The following LSM14B variants were observed in gnomAD, a reference collection of about 807,000 sequenced individuals.
LSM14B encodes protein LSM14 homolog B.
LSM14B carries 8 observed loss-of-function variants against 42.1 expected under a neutral mutation model. The ratio of observed to expected loss-of-function variants is 0.19; its 90% CI spans 0.11 to 0.34. The LOEUF (loss-of-function observed/expected upper bound fraction) is 0.34, where lower values mean the gene tolerates loss of function less well. Among genes scored for constraint, LSM14B ranks in the 10% least tolerant of loss-of-function variants. The pLI, the probability that LSM14B is intolerant of heterozygous loss-of-function variation, is 1.00. For synonymous variants in LSM14B, 219 were observed against 209.7 expected, an observed-to-expected ratio of 1.04 and a Z score of -0.38; for missense variants, 396 against 513.1, an observed-to-expected ratio of 0.77 and a Z score of 2.21.
intron 2 of LSM14B, among the ~76,000 whole-genome samples, chr20:62,125,887 G>A (rs1010861276): frequency 3.3e-5 from 5 of 152,028 alleles, no homozygotes; most frequent in Admixed American, 6.6e-5. Context: ...TAGCAAAACC[G>A]CGTCTCTACC....
intron 3 of LSM14B, chr20:62,127,510 G>A (rs943854297): frequency 3.8e-5 from 40 of 1,061,862 alleles, no homozygotes; most frequent in Admixed American, 8.1e-5. Flanking sequence ...TTCCAAGCTT[G>A]CTAGACACAA....
In LSM14B at chr20:62,122,800, G is replaced by C. The variant is rs200295431; in HGVS notation, c.127+7G>C. The stretch of plus-strand genomic sequence containing the variant: ...ACCGTGGCGCTCGCCAAAGGTAGCG[G>C]CCGCCGCCCGCCCGAGCCCGCTGAC... On this transcript the variant is annotated splice_region_variant and intron_variant, in intron 1 of 8. Transcript: ENST00000279068. The surrounding 1 kb of genome is among the most constrained non-coding windows in gnomAD (Gnocchi z 4.6). The C allele has an allele frequency of 1.3e-6, 2 of 1,490,732 alleles. No homozygotes were observed. Among genetic ancestry groups the C allele is most frequent in the African/African-American group, 2.9e-5 (2 of 68,248 alleles). 92.3% of individuals were successfully genotyped at this position (1,490,732 alleles called of 1,614,324 possible).
chr20:62,132,589 A>C (rs1397476330), intron 7 of LSM14B, among the ~76,000 whole-genome samples: 1 of 152,132 alleles, frequency 6.6e-6, no homozygotes, highest in East Asian at 1.9e-4. Flanking sequence ...CAACATGACA[A>C]GAGAAGAGTC....
At chr20:62,128,791 C>T in intron 3 of LSM14B, 1 of 463,802 alleles carries the variant, frequency 2.2e-6, no homozygotes, top group Non-Finnish European at 3.7e-6. Flanking sequence ...GAGAGCTTCT[C>T]TTGATCTGGT....
chr20:62,133,921 C>A (rs1329745193), intron 8 of LSM14B, among the ~76,000 whole-genome samples: 1 of 152,246 alleles, frequency 6.6e-6, no homozygotes, highest in Non-Finnish European at 1.5e-5. Flanking sequence ...CTGGTGCCAA[C>A]CCCACCCAGC....
Position 62,124,775 on chromosome 20 carries a change from G to T in LSM14B, c.286G>T (p.Val96Phe), listed in dbSNP as rs1210690004. ...CACACTCCCGCAGGATCCCGCCATT[G>T]TTCAGGTAAGTGTGCCACTGTCCCT... is the stretch of plus-strand genomic sequence containing the variant. ...QHTLPQDPAI[V>F]QSSLGSASAS... The change falls in exon 2 of 9, where the codon GTT becomes TTT. Residue 96 changes from valine (V) to phenylalanine (F), a missense_variant. By Grantham distance (50) the Val-to-Phe change is conservative. Around this residue, in one of 3 missense-constraint regions of LSM14B, gnomAD observed 274 missense variants for 335.8 expected, o/e 0.82. Transcript: ENST00000279068. 10 of 1,612,078 alleles carry T rather than the reference G, an allele frequency of 6.2e-6. No homozygotes were observed. Among genetic ancestry groups the T allele is most frequent in the Non-Finnish European group, 8.5e-6 (10 of 1,178,952 alleles).
intron 8 of LSM14B, 95 bp downstream of exon 8, chr20:62,133,570 C>T: frequency 1.4e-6 from 2 of 1,413,916 alleles, no homozygotes; most frequent in Non-Finnish European, 1.9e-6. Flanking sequence ...CTCGGTTTCC[C>T]AGGAAGAAGA....
intron 8 of LSM14B, 63 bp downstream of exon 8, chr20:62,133,538 G>GC: frequency 7.8e-6 from 12 of 1,532,342 alleles, no homozygotes; most frequent in Non-Finnish European, 1.1e-5. Context: ...CACCTGGAGA[G>GC]CTTAGGAAGG....
rs1057274201 is a variant in LSM14B at position 62,134,539 on chromosome 20, G to C, written c.*391G>C. On this transcript the variant is annotated 3_prime_UTR_variant, in exon 9 of 9. Transcript: ENST00000279068. Reference sequence around the variant, plus strand: ...AGTGGAACCAAATCTGTTGGCAGAGGTGGCAGCCAAGTACATCTCTGTAAC... The same window carrying C: ...AGTGGAACCAAATCTGTTGGCAGAGCTGGCAGCCAAGTACATCTCTGTAAC... 3.1e-6 allele frequency: 1 copy of C among 317,836 alleles called. No homozygotes were observed. The highest frequency in any genetic ancestry group is 2.4e-5 in the South Asian group (1 of 40,968). The allele number at this position is 317,836 out of a possible 1,614,324, so 19.7% of individuals were successfully genotyped here. A position where few individuals can be genotyped will look rare whatever the true frequency, so the allele number is the denominator to read the frequency against.
intron 2 of LSM14B, among the ~76,000 whole-genome samples, chr20:62,125,895 A>C (rs2145602497): frequency 6.6e-6 from 1 of 152,276 alleles, no homozygotes; most frequent in Admixed American, 6.5e-5. Context: ...CCGCGTCTCT[A>C]CCAAAAATAC....
At chr20:62,129,084 G>A in intron 3 of LSM14B, 3 of 1,127,052 alleles carry the variant, frequency 2.7e-6, no homozygotes. Flanking sequence ...GGTTTCTGAG[G>A]GTTCATCCCC....
At chr20:62,126,209 C>A in intron 2 of LSM14B, 95 bp from the exon 3 acceptor site, 1 of 1,572,552 alleles carries the variant, frequency 6.4e-7, no homozygotes, top group South Asian at 1.1e-5. Flanking sequence ...GCTGATGGGA[C>A]GGTGCTTGTT....
At position 62,126,299 on chromosome 20, in the gene LSM14B, TTCAG is replaced by T; in HGVS notation, c.292-2_293del. ...GCCGTTCTCACCCGATGTCTCGTTG[TTCAG>T]TCTTCCCTGGGTTCTGCCTCCGCCT... On this transcript the variant is annotated splice_acceptor_variant and splice_polypyrimidine_tract_variant and intron_variant, in intron 2 of 8. Coordinates refer to ENST00000279068, the MANE Select transcript of LSM14B (RefSeq NM_144703.3). LOFTEE classifies it high-confidence loss of function. 1 of 1,613,984 alleles carries T rather than the reference TTCAG, an allele frequency of 6.2e-7. No individual in the cohort carries two copies. The highest frequency in any genetic ancestry group is 8.5e-7 in the Non-Finnish European group (1 of 1,179,904).
At chr20:62,126,509 T>A (rs926573039) in intron 3 of LSM14B, 70 bp downstream of exon 3, 1 of 1,562,744 alleles carries the variant, frequency 6.4e-7, no homozygotes, top group African/African-American at 1.3e-5. Flanking sequence ...CGATGGAGCC[T>A]GAGGGTGGGG....
Position 62,124,604 on chromosome 20 carries a change from C to T in LSM14B, c.128-13C>T. The T allele has an allele frequency of 6.2e-7, 1 of 1,611,878 alleles. No individual in the cohort carries two copies. The highest frequency in any genetic ancestry group is 8.5e-7 in the Non-Finnish European group (1 of 1,178,644). ...GAGGACAACAATAACGCTTCTCTTT[C>T]TCCACTCATAAGTGAGGTCCTTTGG... is the stretch of plus-strand genomic sequence containing the variant. On this transcript the variant is annotated splice_polypyrimidine_tract_variant and intron_variant, in intron 1 of 8. Coordinates refer to ENST00000279068, the MANE Select transcript of LSM14B (RefSeq NM_144703.3).
intron 6 of LSM14B, 149 bp from the exon 7 acceptor site, chr20:62,131,207 G>A: frequency 4.3e-6 from 4 of 937,510 alleles, no homozygotes; most frequent in Non-Finnish European, 6.2e-6. Flanking sequence ...GTACTTAGAA[G>A]GTAGAAGAAG....
chr20:62,122,613 G>GCCGCGGC lies in LSM14B; in HGVS notation c.-50_-44dup. 9.0e-7 allele frequency: 1 copy of GCCGCGGC among 1,107,466 alleles called. No homozygotes were observed. The highest frequency in any genetic ancestry group is 1.1e-6 in the Non-Finnish European group (1 of 898,190). The allele number at this position is 1,107,466 out of a possible 1,614,324, so 68.6% of individuals were successfully genotyped here. Reference sequence around the variant, plus strand: ...AGGCCACCGCGCGGCGGCGGAGCGGGCCGCGGCCCGGCGCTCCTTCCCCAC... The same window carrying GCCGCGGC: ...AGGCCACCGCGCGGCGGCGGAGCGGGCCGCGGCCCGCGGCCCGGCGCTCCTTCCCCAC... On this transcript the variant is annotated 5_prime_UTR_variant, in exon 1 of 9. Coordinates refer to ENST00000279068, the MANE Select transcript of LSM14B (RefSeq NM_144703.3). The surrounding 1 kb of genome is among the most constrained non-coding windows in gnomAD (Gnocchi z 4.6).
rs757585979 is a variant in LSM14B at position 62,134,276 on chromosome 20, C to G, written c.*128C>G. On this transcript the variant is annotated 3_prime_UTR_variant, in exon 9 of 9. Transcript: ENST00000279068. ...TTACGGAGTTTGGAAGAGACCCATA[C>G]TGCTACTTGTGTTTTGGACTTAACT... 10 of 471,752 alleles carry G rather than the reference C, an allele frequency of 2.1e-5. No homozygotes were observed. In the East Asian group the frequency reaches 6.9e-4, roughly 33 times the overall value. 29.2% of individuals were successfully genotyped at this position (471,752 alleles called of 1,614,324 possible). A position where few individuals can be genotyped will look rare whatever the true frequency, so the allele number is the denominator to read the frequency against.
At chr20:62,126,504 G>A (rs561268748) in intron 3 of LSM14B, 65 bp downstream of exon 3, 202 of 1,570,780 alleles carry the variant, frequency 1.3e-4, no homozygotes, top group Middle Eastern at 6.9e-4. Flanking sequence ...TGGAGCGATG[G>A]AGCCTGAGGG....
Sources: allele counts gnomAD v4.1 joint callset (sites outside exome capture counted in the v4.1 genomes callset), GRCh38; gene constraint gnomAD v4.1.1; regional missense constraint gnomAD v4.1.1; non-coding constraint Gnocchi (gnomAD v3.1); transcripts MANE v1.5; gene names NCBI Gene and HGNC (gene_info 2026-07-23, HGNC 2026-07-21).